The following GABRG3 variants were observed in gnomAD, a reference collection of about 807,000 sequenced individuals.
The protein encoded by GABRG3 is gamma-aminobutyric acid type A receptor subunit gamma3, also known as gamma-aminobutyric acid receptor subunit gamma-3.
A neutral mutation model predicts 48.8 loss-of-function variants in GABRG3; 25 were observed. The observed-to-expected ratio is 0.51, with a 90% confidence interval of 0.37 to 0.72. The LOEUF (loss-of-function observed/expected upper bound fraction) is 0.72. Ranked by LOEUF, GABRG3 falls within the 30% of genes least tolerant of loss-of-function variation. The pLI, the probability that GABRG3 is intolerant of heterozygous loss-of-function variation, is 0.00. For synonymous variants in GABRG3, 227 were observed against 217.6 expected, an observed-to-expected ratio of 1.04 and a Z score of -0.38; for missense variants, 394 against 577.9, an observed-to-expected ratio of 0.68 and a Z score of 3.26.
chr15:27,483,141 A>C (rs1890138508), intron 6 of GABRG3: 1 of 152,230 alleles, frequency 6.6e-6, no homozygotes, highest in African/African-American at 2.4e-5. Flanking sequence ...TGTGTGGCTC[A>C]AACAACAGAA....
chr15:27,527,698 A>T (rs1400806044), intron 8 of GABRG3, 69 bp downstream of exon 8: 3 of 1,356,684 alleles, frequency 2.2e-6, no homozygotes, highest in Non-Finnish European at 3.1e-6. Flanking sequence ...GTGTACTTAA[A>T]TGCAGTTGTA....
chr15:27,054,779 C>G (rs1411464882), intron 3 of GABRG3, among the ~76,000 whole-genome samples: 1 of 152,218 alleles, frequency 6.6e-6, no homozygotes, highest in Non-Finnish European at 1.5e-5. Flanking sequence ...AGCTCTGTAT[C>G]GAGCGGGGAG....
At chr15:27,307,800 T>TAAAC (rs1310518864) in intron 3 of GABRG3, among the ~76,000 whole-genome samples, 15 of 128,056 alleles carry the variant, frequency 1.2e-4, no homozygotes, top group Admixed American at 5.7e-4. Context: ...ATATATAAAA[T>TAAAC]AAACATAAAC....
chr15:27,216,278 G>A (rs72702050), intron 3 of GABRG3, among the ~76,000 whole-genome samples: 7,654 of 152,302 alleles, frequency 0.05, 240 homozygotes, highest in South Asian at 0.076. Flanking sequence ...ATTGATGAGC[G>A]AAGGTGAAGT....
intron 3 of GABRG3, among the ~76,000 whole-genome samples, chr15:27,219,048 C>T (rs538541370): frequency 3.3e-5 from 5 of 152,298 alleles, no homozygotes; most frequent in East Asian, 1.9e-4. Flanking sequence ...TGGAACCACG[C>T]GTGCTCTGAC....
chr15:27,214,070 C>T (rs1004052135), intron 3 of GABRG3, among the ~76,000 whole-genome samples: 1 of 152,106 alleles, frequency 6.6e-6, no homozygotes, highest in African/African-American at 2.4e-5. Context: ...GATTGAGTCT[C>T]AGTCTTGCTA....
At chr15:27,006,799 C>A (rs1221359897) in intron 2 of GABRG3, among the ~76,000 whole-genome samples, 6 of 151,824 alleles carry the variant, frequency 4.0e-5, no homozygotes, top group Non-Finnish European at 4.4e-5. Flanking sequence ...GGATAATGGT[C>A]TCCAACTCTA....
chr15:27,178,304 G>C (rs1198400032), intron 3 of GABRG3, among the ~76,000 whole-genome samples: 1 of 152,190 alleles, frequency 6.6e-6, no homozygotes, highest in Non-Finnish European at 1.5e-5. Context: ...CTAGTTGTGG[G>C]ATGCTCCTTA....
At chr15:27,077,947 G>A (rs1445070586) in intron 3 of GABRG3, among the ~76,000 whole-genome samples, 3 of 152,258 alleles carry the variant, frequency 2.0e-5, no homozygotes, top group Admixed American at 6.5e-5. Context: ...CCTCCCCGCC[G>A]GGGGTTTGGG....
chr15:26,994,090 CT>C (rs1269165282), intron 2 of GABRG3, among the ~76,000 whole-genome samples: 1 of 151,808 alleles, frequency 6.6e-6, no homozygotes, highest in Non-Finnish European at 1.5e-5. Flanking sequence ...CTATATGCAT[CT>C]TTATAGGTGA....
rs146177583 is a variant in GABRG3 at position 27,432,935 on chromosome 15, G to T, written c.575-47715G>T. ...TAAGCTTCCTGCCACTGTACAGCAA[G>T]AAGTCTTTTCCCCCAGTTTCCAAGA... On this transcript the variant is annotated intron_variant, in intron 5 of 9. Coordinates refer to ENST00000615808, the MANE Select transcript of GABRG3 (RefSeq NM_033223.5). Among the ~76,000 whole-genome samples the T allele has an allele frequency of 6.6e-4, 100 of 152,334 alleles. 1 individual carries two copies. Among genetic ancestry groups the T allele is most frequent in the African/African-American group, 2.3e-3 (94 of 41,574 alleles).
At chr15:27,351,805 TGTG>T (rs1192488699) in intron 5 of GABRG3, among the ~76,000 whole-genome samples, 1 of 151,166 alleles carries the variant, frequency 6.6e-6, no homozygotes, top group African/African-American at 2.4e-5. Flanking sequence ...GTATATATGA[TGTG>T]TGTGTTTATG....
intron 6 of GABRG3, among the ~76,000 whole-genome samples, chr15:27,514,350 G>A (rs1441841506): frequency 6.6e-6 from 1 of 152,192 alleles, no homozygotes; most frequent in Non-Finnish European, 1.5e-5. Flanking sequence ...CAATTAAGGA[G>A]TTGGCTGAGC....
At chr15:27,512,510 G>C (rs1890919604) in intron 6 of GABRG3, among the ~76,000 whole-genome samples, 1 of 152,166 alleles carries the variant, frequency 6.6e-6, no homozygotes, top group South Asian at 2.1e-4. Context: ...TGAAATGCCT[G>C]TTATACCTGT....
chr15:27,408,617 G>T (rs1385165845), intron 5 of GABRG3, among the ~76,000 whole-genome samples: 1 of 152,184 alleles, frequency 6.6e-6, no homozygotes, highest in Non-Finnish European at 1.5e-5. Flanking sequence ...AGGGCCGCGG[G>T]TCTGCCATGT....
chr15:27,438,465 G>A (rs138339422), intron 5 of GABRG3, among the ~76,000 whole-genome samples: 32 of 152,296 alleles, frequency 2.1e-4, no homozygotes, highest in African/African-American at 7.0e-4. Flanking sequence ...CATTGCCTAC[G>A]AAGTCGGAGT....
chr15:27,223,217 A>G (rs1889505960), intron 3 of GABRG3, among the ~76,000 whole-genome samples: 2 of 152,252 alleles, frequency 1.3e-5, no homozygotes, highest in Non-Finnish European at 2.9e-5. Flanking sequence ...TATTGTGTCA[A>G]AATCTGAGAG....
At chr15:27,248,822 AGAGAGAGAG>A (rs1890353785) in intron 3 of GABRG3, among the ~76,000 whole-genome samples, 1 of 143,952 alleles carries the variant, frequency 6.9e-6, no homozygotes, top group African/African-American at 2.6e-5. Context: ...AGAGAGAGAG[AGAGAGAGAG>A]AGAGACAGAG....
intron 3 of GABRG3, among the ~76,000 whole-genome samples, chr15:27,192,795 CT>C (rs1158487685): frequency 2.0e-5 from 3 of 152,158 alleles, no homozygotes; most frequent in Non-Finnish European, 2.9e-5. Context: ...AGGTGCTCTG[CT>C]TTTTAGAGTT....
Sources: gnomAD v4.1 joint callset for allele counts (sites outside exome capture counted in the v4.1 genomes callset) on GRCh38, gnomAD v4.1.1 for gene constraint, MANE v1.5 for transcripts, NCBI Gene and HGNC (gene_info 2026-07-23, HGNC 2026-07-21) for gene names.